GMPR2: variants seen among roughly 807,000 people sequenced by gnomAD.
GMPR2 encodes guanosine monophosphate reductase 2, also known as GMP reductase 2.
In GMPR2, 32 loss-of-function variants were observed where a neutral mutation model predicts 38.5. The observed-to-expected ratio is 0.83, with a 90% CI of 0.63 to 1.12. The LOEUF (loss-of-function observed/expected upper bound fraction) is 1.12. Ranked by LOEUF, GMPR2 falls within the 50% of genes most tolerant of loss-of-function variation. The probability of loss-of-function intolerance (pLI) is 0.00; values close to 1 mark genes in which losing one functional copy is unlikely to be tolerated. For synonymous variants in GMPR2, 154 were observed against 151.0 expected, an observed-to-expected ratio of 1.02 and a Z score of -0.15; for missense variants, 396 against 432.1, an observed-to-expected ratio of 0.92 and a Z score of 0.74.
intron 3 of GMPR2, 195 bp from the exon 4 acceptor site, chr14:24,235,542 C>T (rs1329811654): frequency 6.7e-6 from 4 of 600,880 alleles, no homozygotes; most frequent in South Asian, 2.0e-5. Flanking sequence ...CAAGTACTAG[C>T]TTATGGTAAA....
intron 3 of GMPR2, among the ~76,000 whole-genome samples, chr14:24,235,064 G>A (rs1207502182): frequency 6.6e-6 from 1 of 152,224 alleles, no homozygotes; most frequent in African/African-American, 2.4e-5. Context: ...AAAGTATTGG[G>A]ATATTGTTTG....
intron 5 of GMPR2, chr14:24,236,865 A>G (rs1375080402): frequency 1.9e-6 from 1 of 528,616 alleles, no homozygotes; most frequent in East Asian, 3.1e-5. Context: ...ACTCACTCCT[A>G]CCTTGGCTTG....
At chr14:24,233,122 C>G in intron 1 of GMPR2, 97 bp from the exon 2 acceptor site, 1 of 1,549,996 alleles carries the variant, frequency 6.5e-7, no homozygotes, top group Non-Finnish European at 8.9e-7. Flanking sequence ...TCGGCCTTTG[C>G]CCGACCTTCC....
chr14:24,233,186 G>A, intron 1 of GMPR2, 33 bp from the exon 2 acceptor site: 2 of 1,612,474 alleles, frequency 1.2e-6, no homozygotes, highest in South Asian at 1.1e-5. Context: ...AAGCCCAGGG[G>A]AAGATTGGTC....
chr14:24,233,988 T>A, intron 3 of GMPR2: 1 of 741,710 alleles, frequency 1.3e-6, no homozygotes, highest in Non-Finnish European at 2.0e-6. Context: ...GTTTAAGCAT[T>A]CAAAAATCCT....
chr14:24,238,342 T>A lies in GMPR2; in HGVS notation c.794T>A (p.Leu265His). 6.2e-7 allele frequency: 1 copy of A among 1,614,008 alleles called. No homozygotes were observed. The highest frequency in any genetic ancestry group is 8.5e-7 in the Non-Finnish European group (1 of 1,179,976). The change falls in exon 9 of 10, where the codon CTC becomes CAC. Residue 265 changes from leucine (L) to histidine (H), a missense_variant. Leu to His is a moderately conservative substitution (Grantham distance 99). Coordinates refer to ENST00000399440, the MANE Select transcript of GMPR2 (RefSeq NM_001002002.3). ...GAGAGGGATGGCAAGAAGTACAAGC[T>A]CTTCTATGGAATGAGTTCTGAAATG... is the stretch of plus-strand genomic sequence containing the variant. ...LIERDGKKYK[L>H]FYGMSSEMAM... is the part of the protein sequence containing the mutation.
At chr14:24,234,612 C>G (rs1380853580) in intron 3 of GMPR2, among the ~76,000 whole-genome samples, 1 of 152,144 alleles carries the variant, frequency 6.6e-6, no homozygotes, top group African/African-American at 2.4e-5. Context: ...TGGAGCCTGG[C>G]TTTCAGTATT....
At position 24,235,372 on chromosome 14, in the gene GMPR2, G is replaced by T. The variant is rs1217205784; in HGVS notation, c.208-365G>T. The T allele has an allele frequency of 1.4e-5, 4 of 288,454 alleles. No homozygotes were observed. The East Asian group carries it at 2.5e-4, about 18-fold the overall frequency. The allele number at this position is 288,454 out of a possible 1,614,324, so 17.9% of individuals were successfully genotyped here. ...CCTTAGGAGGAGGGGCTGAGTCAGT[G>T]CAGAGAAACACAGGCTCCATCCAGC... is the stretch of plus-strand genomic sequence containing the variant. On this transcript the variant is annotated intron_variant, in intron 3 of 9. Transcript: ENST00000399440.
chr14:24,238,331 G>C lies in GMPR2; in HGVS notation c.783G>C (p.Lys261Asn). The C allele has an allele frequency of 6.2e-7, 1 of 1,614,178 alleles. No individual in the cohort carries two copies. Among genetic ancestry groups the C allele is most frequent in the Non-Finnish European group, 8.5e-7 (1 of 1,180,014 alleles). The change falls in exon 9 of 10, where the codon AAG (lysine) becomes AAC (asparagine). Residue 261 changes from lysine to asparagine, a missense_variant. Transcript: ENST00000399440. ...GTGAGCTCATCGAGAGGGATGGCAA[G>C]AAGTACAAGCTCTTCTATGGAATGA... is the stretch of plus-strand genomic sequence containing the variant. The part of the protein sequence containing the change: ...SGGELIERDG[K>N]KYKLFYGMSS...
chr14:24,237,705 T>C, intron 8 of GMPR2, 143 bp downstream of exon 8: 1 of 764,584 alleles, frequency 1.3e-6, no homozygotes, highest in Non-Finnish European at 2.2e-6. Flanking sequence ...GTCTATGGTA[T>C]CATCTGGGGC....
chr14:24,233,798 C>G (rs2040201728), intron 3 of GMPR2, 200 bp downstream of exon 3: 2 of 649,382 alleles, frequency 3.1e-6, no homozygotes, highest in African/African-American at 3.6e-5. Flanking sequence ...AGATTCAAAG[C>G]TAAGTTCTGC....
At chr14:24,236,768 T>C (rs2040364732) in intron 5 of GMPR2, among the ~76,000 whole-genome samples, 1 of 152,204 alleles carries the variant, frequency 6.6e-6, no homozygotes, top group African/African-American at 2.4e-5. Context: ...CCACTTCATG[T>C]GTCCCTGTTG....
intron 3 of GMPR2, 121 bp downstream of exon 3, chr14:24,233,719 C>T (rs1027023261): frequency 6.2e-6 from 7 of 1,134,172 alleles, no homozygotes; most frequent in Middle Eastern, 1.9e-4. Flanking sequence ...TCAGGATGCT[C>T]TGATTTACGG....
intron 3 of GMPR2, 191 bp from the exon 4 acceptor site, chr14:24,235,546 T>C: frequency 1.7e-6 from 1 of 602,654 alleles, no homozygotes; most frequent in Non-Finnish European, 3.0e-6. Flanking sequence ...TACTAGCTTA[T>C]GGTAAAAAGC....
chr14:24,236,184 C>G (rs752976808), intron 5 of GMPR2, 44 bp downstream of exon 5: 52 of 1,470,144 alleles, frequency 3.5e-5, no homozygotes, highest in Non-Finnish European at 4.8e-5. Flanking sequence ...TTTCCACTTT[C>G]CTGCCACTCC....
intron 9 of GMPR2, 62 bp from the exon 10 acceptor site, chr14:24,238,527 G>A: frequency 6.2e-7 from 1 of 1,614,026 alleles, no homozygotes; most frequent in South Asian, 1.1e-5. Flanking sequence ...AGGGTCTGTG[G>A]AAAAGTCCCT....
chr14:24,233,680 T>G (rs763364349), intron 3 of GMPR2, 82 bp downstream of exon 3: 1 of 1,456,348 alleles, frequency 6.9e-7, no homozygotes, highest in South Asian at 1.1e-5. Flanking sequence ...CCCACCCCCA[T>G]GCCCAGTCAG....
Position 24,238,311 on chromosome 14 carries a change from CTCA to C in GMPR2, c.766_768del (p.Ile256del), listed in dbSNP as rs751362660. 1.9e-6 allele frequency: 3 copies of C among 1,614,024 alleles called. No homozygotes were observed. In the East Asian group the frequency reaches 6.7e-5, roughly 36 times the overall value. On this transcript the variant is annotated inframe_deletion, in exon 9 of 10. Transcript: ENST00000399440. ...TGGGCACAGTGAGTCAGGTGGTGAG[CTCA>C]TCGAGAGGGATGGCAAGAAGTACAA... is the stretch of plus-strand genomic sequence containing the variant.
intron 5 of GMPR2, 37 bp from the exon 6 acceptor site, chr14:24,237,034 G>T (rs777913808): frequency 1.3e-6 from 2 of 1,493,248 alleles, no homozygotes; most frequent in Non-Finnish European, 1.9e-6. Context: ...CCTGTTTCTG[G>T]CCCTAAGGAT....
Sources: allele counts gnomAD v4.1 joint callset (sites outside exome capture counted in the v4.1 genomes callset), GRCh38; gene constraint gnomAD v4.1.1; transcripts MANE v1.5; gene names NCBI Gene and HGNC (gene_info 2026-07-23, HGNC 2026-07-21).